Variants in C2CD3 observed in about 807,000 individuals in gnomAD.
C2CD3 encodes the protein C2 domain containing 3 centriole elongation regulator, also known as C2 domain-containing protein 3.
A neutral mutation model predicts 234.0 loss-of-function variants in C2CD3; 148 were observed. That is an observed-to-expected ratio of 0.63 (90% CI 0.55 to 0.72). The LOEUF is 0.72. Ranked by LOEUF, C2CD3 falls within the 30% of genes least tolerant of loss-of-function variation. The pLI is 0.00. For missense variants in C2CD3, 2,577 were observed against 2,811.5 expected (o/e 0.92, Z 1.89); for synonymous variants, 1,000 against 1,035.4 (o/e 0.97, Z 0.66).
At chr11:74,076,420 T>A (rs1955044855) in intron 23 of C2CD3, among the ~76,000 whole-genome samples, 1 of 152,238 alleles carries the variant, frequency 6.6e-6, no homozygotes, top group Non-Finnish European at 1.5e-5. Flanking sequence ...AATGTTAAGC[T>A]GAATAAAGAT....
chr11:74,138,833 A>T lies in C2CD3; in HGVS notation c.842T>A (p.Met281Lys), dbSNP rs765174386. 1 of 1,613,964 alleles carries T rather than the reference A, an allele frequency of 6.2e-7. No individual in the cohort carries two copies. The change falls in exon 5 of 33, where the codon ATG becomes AAG. Residue 281 changes from methionine (M) to lysine (K), a missense_variant. Met to Lys is a moderately conservative substitution (Grantham distance 95). Transcript: ENST00000334126. ...GAATTCAGAACTGTTCAGAAGGGAC[A>T]TCTGCTTCCGTGGAGCTCTGCCTTT... is the stretch of plus-strand genomic sequence containing the variant. ...TLKGRAPRKQ[M>K]SLLNSSEFQP... is the part of the protein sequence containing the mutation.
Position 74,037,344 on chromosome 11 carries a change from A to G in C2CD3, c.5881+134T>C, listed in dbSNP as rs1952793342. The G allele has an allele frequency of 1.5e-5, 11 of 746,314 alleles. No individual in the cohort carries two copies. The South Asian group carries it at 1.7e-4, about 12-fold the overall frequency. The allele number at this position is 746,314 out of a possible 1,614,324, so 46.2% of individuals were successfully genotyped here. On this transcript the variant is annotated intron_variant, in intron 30 of 32. Transcript: ENST00000334126. ...TTCAAACGCAAGATGGTTAAAAAAAAAAAAAAAGGAAGAGGGTGAAAACAA... is the reference window on the plus strand; with the variant it reads ...TTCAAACGCAAGATGGTTAAAAAAAGAAAAAAAGGAAGAGGGTGAAAACAA...
At chr11:74,117,048 GTATATATATA>G (rs1170094543) in intron 9 of C2CD3, among the ~76,000 whole-genome samples, 2 of 49,018 alleles carry the variant, frequency 4.1e-5, no homozygotes, top group Non-Finnish European at 8.8e-5. Context: ...ACGTGTGTGT[GTATATATATA>G]TGAATATATA....
At chr11:74,055,792 C>T (rs1424247054) in intron 25 of C2CD3, among the ~76,000 whole-genome samples, 1 of 152,224 alleles carries the variant, frequency 6.6e-6, no homozygotes, top group Non-Finnish European at 1.5e-5. Flanking sequence ...ATTCATTTTT[C>T]TTCCAATCCT....
chr11:74,133,596 T>C (rs775120232), intron 5 of C2CD3, 39 bp from the exon 6 acceptor site: 78 of 1,608,482 alleles, frequency 4.8e-5, no homozygotes, highest in Non-Finnish European at 6.5e-5. Flanking sequence ...AAATCCAAAA[T>C]GCAGCAGAAA....
chr11:74,071,466 T>C (rs1954788425), intron 24 of C2CD3, among the ~76,000 whole-genome samples: 1 of 152,230 alleles, frequency 6.6e-6, no homozygotes, highest in African/African-American at 2.4e-5. Context: ...CCATTGTCTC[T>C]TTGAGTATAG....
chr11:74,098,473 G>A (rs1485409616), intron 15 of C2CD3, among the ~76,000 whole-genome samples: 2 of 152,230 alleles, frequency 1.3e-5, no homozygotes, highest in Non-Finnish European at 2.9e-5. Context: ...CAAGGAATGT[G>A]TCTGATATGT....
chr11:74,094,065 G>T lies in C2CD3; in HGVS notation c.3161-66C>A, dbSNP rs544905123. On this transcript the variant is annotated intron_variant, in intron 17 of 32. Transcript: ENST00000334126. ...ACTTAGTGTTTTCTTCTTCTTTCAT[G>T]TTCTTCCAGTGAATATTACTTAGTA... The T allele has an allele frequency of 2.4e-5, 31 of 1,302,736 alleles. No individual in the cohort carries two copies. The African/African-American group carries it at 3.5e-4, about 15-fold the overall frequency. 80.7% of individuals were successfully genotyped at this position (1,302,736 alleles called of 1,614,324 possible).
At position 74,116,973 on chromosome 11, in the gene C2CD3, C is replaced by CGTGTAT. The variant is rs371667086; in HGVS notation, c.1520+1254_1520+1255insATACAC. 9.0e-4 allele frequency among the ~76,000 whole-genome samples: 58 copies of CGTGTAT among 64,674 alleles called. 1 individual carries two copies. The highest frequency in any genetic ancestry group is 1.9e-3 in the Non-Finnish European group (49 of 26,294). The allele number at this position is 64,674 out of a possible 152,430, so 42.4% of individuals were successfully genotyped here. A position where few individuals can be genotyped will look rare whatever the true frequency, so the allele number is the denominator to read the frequency against. On this transcript the variant is annotated intron_variant, in intron 9 of 32. Coordinates refer to ENST00000334126, the MANE Select transcript of C2CD3 (RefSeq NM_001286577.2). ...GTATATATGTGTATATACACATATA[C>CGTGTAT]ACGTATATATACACATATACGTGTA...
chr11:74,105,485 G>A (rs1320063264), intron 13 of C2CD3, among the ~76,000 whole-genome samples: 1 of 152,076 alleles, frequency 6.6e-6, no homozygotes, highest in Admixed American at 6.5e-5. Flanking sequence ...TGCCCAGGCT[G>A]GTCTAGAACT....
intron 32 of C2CD3, among the ~76,000 whole-genome samples, chr11:74,014,377 A>G (rs1166874407): frequency 6.6e-6 from 1 of 152,172 alleles, no homozygotes; most frequent in East Asian, 1.9e-4. Context: ...CCTGTCATCA[A>G]GTCCCATGAG....
Position 74,034,038 on chromosome 11 carries a change from G to T in C2CD3, c.6122C>A (p.Ala2041Glu). ...GRMLHESLRH[A>E]VPITRMQSSE... ...GCTCTGCATCCTTGTAATGGGTACT[G>T]CATGCCTCAGGGACTCATGGAGCAT... is the stretch of plus-strand genomic sequence containing the variant. Residue 2041 changes from alanine to glutamate, a missense_variant, in exon 31 of 33, where the codon GCA (alanine) becomes GAA (glutamate). Ala to Glu is a moderately radical substitution (Grantham distance 107). Coordinates refer to ENST00000334126, the MANE Select transcript of C2CD3 (RefSeq NM_001286577.2). 5 of 1,536,468 alleles carry T rather than the reference G, an allele frequency of 3.3e-6. No homozygotes were observed. The highest frequency in any genetic ancestry group is 4.4e-6 in the Non-Finnish European group (5 of 1,146,954).
At chr11:74,163,151 C>T (rs1856583025) in intron 2 of C2CD3, among the ~76,000 whole-genome samples, 1 of 152,094 alleles carries the variant, frequency 6.6e-6, no homozygotes, top group South Asian at 2.1e-4. Context: ...TAGTGAAAAG[C>T]ATGTAGGAAT....
At chr11:74,141,870 A>G (rs1308839853) in intron 3 of C2CD3, among the ~76,000 whole-genome samples, 2 of 151,970 alleles carry the variant, frequency 1.3e-5, no homozygotes, top group Non-Finnish European at 2.9e-5. Flanking sequence ...GCATGGTGGC[A>G]TGTACCTTGA....
chr11:74,084,610 T>C (rs1955556739), intron 22 of C2CD3, among the ~76,000 whole-genome samples: 1 of 151,850 alleles, frequency 6.6e-6, no homozygotes, highest in Non-Finnish European at 1.5e-5. Context: ...TCTCCATCTA[T>C]AAAATCAACC....
At chr11:74,030,744 ACTCCTCCTGCAT>A (rs1333855724) in intron 31 of C2CD3, among the ~76,000 whole-genome samples, 1 of 148,270 alleles carries the variant, frequency 6.7e-6, no homozygotes. Context: ...CCTCAACTTC[ACTCCTCCTGCAT>A]CTCCTCCTGG....
chr11:74,127,463 T>C (rs556865238), intron 7 of C2CD3, among the ~76,000 whole-genome samples: 22 of 152,192 alleles, frequency 1.4e-4, no homozygotes, highest in Middle Eastern at 3.4e-3. Context: ...TGTTTCAATA[T>C]TGGGGTTGCT....
intron 8 of C2CD3, 21 bp downstream of exon 8, chr11:74,122,967 G>A (rs775125928): frequency 1.3e-6 from 2 of 1,599,486 alleles, no homozygotes; most frequent in South Asian, 1.1e-5. Context: ...AATTCTCAAT[G>A]CTTCAGGTTC....
At chr11:74,074,193 G>T in intron 24 of C2CD3, 60 bp downstream of exon 24, 1 of 1,140,690 alleles carries the variant, frequency 8.8e-7, no homozygotes, top group Non-Finnish European at 1.3e-6. Flanking sequence ...AAAGATTTGT[G>T]AAGAAAGGAG....
Sources: allele counts gnomAD v4.1 joint callset (sites outside exome capture counted in the v4.1 genomes callset), GRCh38; gene constraint gnomAD v4.1.1; transcripts MANE v1.5; gene names NCBI Gene and HGNC (gene_info 2026-07-23, HGNC 2026-07-21).